The following TLN2 variants were observed in gnomAD, a reference collection of about 807,000 sequenced individuals.
The protein encoded by TLN2 is talin 2.
A neutral mutation model predicts 294.7 loss-of-function variants in TLN2; 118 were observed. The observed-to-expected ratio is 0.40, with a 90% CI of 0.34 to 0.47. TLN2 has a LOEUF of 0.47. TLN2 is among the 20% of genes least tolerant of loss of function. TLN2 has a pLI of 0.84. For synonymous variants in TLN2, 1,431 were observed against 1,304.5 expected (o/e 1.10, Z -2.09); for missense variants, 3,083 against 3,282.2 (o/e 0.94, Z 1.48).
At chr15:62,518,570 C>T (rs185069522) in intron 1 of TLN2, among the ~76,000 whole-genome samples, 14 of 152,028 alleles carry the variant, frequency 9.2e-5, no homozygotes, top group African/African-American at 2.9e-4. Context: ...ATATGGTGAA[C>T]GGTGGAGAGC....
intron 24 of TLN2, among the ~76,000 whole-genome samples, chr15:62,719,093 G>A (rs900167144): frequency 6.6e-6 from 1 of 152,202 alleles, no homozygotes; most frequent in Non-Finnish European, 1.5e-5. Flanking sequence ...TCATTAACCA[G>A]AGAAGGAGGT....
intron 1 of TLN2, among the ~76,000 whole-genome samples, chr15:62,559,289 C>G (rs537686869): frequency 3.3e-5 from 5 of 152,258 alleles, no homozygotes; most frequent in African/African-American, 1.2e-4. Flanking sequence ...AAACCTCTCC[C>G]AGTTCTGCGT....
At chr15:62,792,992 G>A (rs1307457779) in intron 46 of TLN2, among the ~76,000 whole-genome samples, 1 of 152,192 alleles carries the variant, frequency 6.6e-6, no homozygotes, top group Admixed American at 6.5e-5. Context: ...GAGAATTTGA[G>A]GGCTTAGAGG....
At chr15:62,709,882 C>T (rs559093990) in intron 21 of TLN2, among the ~76,000 whole-genome samples, 1 of 152,132 alleles carries the variant, frequency 6.6e-6, no homozygotes, top group South Asian at 2.1e-4. Flanking sequence ...TTACAGGCGC[C>T]TGCCATGATG....
intron 53 of TLN2, 54 bp from the exon 54 acceptor site, chr15:62,820,432 A>T: frequency 6.3e-7 from 1 of 1,588,208 alleles, no homozygotes; most frequent in Non-Finnish European, 8.6e-7. Flanking sequence ...TAATTAAGCC[A>T]GTGCCCTGAG....
chr15:62,595,412 C>CA (rs35989710), intron 2 of TLN2, among the ~76,000 whole-genome samples: 2,564 of 81,844 alleles, frequency 0.031, 131 homozygotes, highest in African/African-American at 0.08. Context: ...GACTCCGTCT[C>CA]AAAAAAAAAA....
chr15:62,484,838 G>A (rs185196311), intron 1 of TLN2, among the ~76,000 whole-genome samples: 1 of 152,294 alleles, frequency 6.6e-6, no homozygotes, highest in Non-Finnish European at 1.5e-5. Context: ...TTCTGGTGAT[G>A]GAGTAGGGTC....
intron 1 of TLN2, among the ~76,000 whole-genome samples, chr15:62,507,166 G>A (rs2039665491): frequency 6.6e-6 from 1 of 152,156 alleles, no homozygotes; most frequent in Non-Finnish European, 1.5e-5. Context: ...TAAGATAAAT[G>A]TGCTCAGATA....
At chr15:62,493,495 G>A (rs1193235237) in intron 1 of TLN2, among the ~76,000 whole-genome samples, 1 of 152,096 alleles carries the variant, frequency 6.6e-6, no homozygotes, top group Non-Finnish European at 1.5e-5. Context: ...ATGGGTTTGA[G>A]CAGGTTATTG....
chr15:62,799,598 C>G (rs941051227), intron 48 of TLN2, among the ~76,000 whole-genome samples: 2 of 152,238 alleles, frequency 1.3e-5, no homozygotes, highest in Non-Finnish European at 2.9e-5. Flanking sequence ...ATCCCTGTTA[C>G]AAGCGTGAAA....
intron 2 of TLN2, among the ~76,000 whole-genome samples, chr15:62,603,477 G>T (rs907984151): frequency 6.6e-6 from 1 of 152,054 alleles, no homozygotes; most frequent in African/African-American, 2.4e-5. Flanking sequence ...TTGTGTATCT[G>T]CCTCTTCCTC....
chr15:62,564,917 A>G (rs1216277600), intron 1 of TLN2, among the ~76,000 whole-genome samples: 1 of 124,658 alleles, frequency 8.0e-6, no homozygotes, highest in Non-Finnish European at 1.7e-5. Flanking sequence ...AAAAAAAAAA[A>G]AAAAAAAAAT....
At chr15:62,402,132 G>A (rs2033072187) in intron 1 of TLN2, among the ~76,000 whole-genome samples, 1 of 152,144 alleles carries the variant, frequency 6.6e-6, no homozygotes, top group African/African-American at 2.4e-5. Context: ...ACACACAGAA[G>A]TTTCACAAAA....
chr15:62,571,249 A>T lies in TLN2; in HGVS notation c.-237-18438A>T, dbSNP rs192280270. The stretch of plus-strand genomic sequence containing the variant: ...TTCCTCAGCCAGGCAGCAAAGCATG[A>T]CAGGAGTCTATTGCCCATCACTCCT... On this transcript the variant is annotated intron_variant, in intron 1 of 58. Coordinates refer to ENST00000636159, the MANE Select transcript of TLN2 (RefSeq NM_015059.3). 2.2e-3 allele frequency among the ~76,000 whole-genome samples: 340 copies of T among 152,292 alleles called. 3 individuals carry two copies. Among genetic ancestry groups the T allele is most frequent in the Non-Finnish European group, 4.0e-3 (273 of 68,024 alleles).
intron 1 of TLN2, among the ~76,000 whole-genome samples, chr15:62,442,517 A>AT (rs2035605079): frequency 6.8e-6 from 1 of 147,120 alleles, no homozygotes; most frequent in Non-Finnish European, 1.5e-5. Flanking sequence ...AAAAAAAAAA[A>AT]TTAGAGGATG....
rs1269988899 is a variant in TLN2 at position 62,593,449 on chromosome 15, T to C, written c.-162+3687T>C. Among the ~76,000 whole-genome samples, 6 of 152,170 alleles carry C rather than the reference T, an allele frequency of 3.9e-5. No homozygotes were observed. The South Asian group carries it at 8.3e-4, about 21-fold the overall frequency. On this transcript the variant is annotated intron_variant, in intron 2 of 58. Coordinates refer to ENST00000636159, the MANE Select transcript of TLN2 (RefSeq NM_015059.3). ...CATAATTAAACTTACTAAACCATGG[T>C]ATAATAGGGTATGCTGTTTCCATGC...
chr15:62,476,511 T>C, intron 1 of TLN2: 1 of 152,414 alleles, frequency 6.6e-6, no homozygotes, highest in Non-Finnish European at 1.5e-5. Context: ...GTGGCCAGCC[T>C]CTCTCACACC....
intron 1 of TLN2, among the ~76,000 whole-genome samples, chr15:62,569,670 G>T (rs2043700390): frequency 6.6e-6 from 1 of 152,194 alleles, no homozygotes; most frequent in African/African-American, 2.4e-5. Flanking sequence ...AGCTGTGGTT[G>T]GATTTTTGTG....
rs142760429 is a variant in TLN2 at position 62,762,347 on chromosome 15, G to A, written c.4855G>A (p.Ala1619Thr). 3.7e-5 allele frequency: 60 copies of A among 1,614,040 alleles called. No homozygotes were observed. In the African/African-American group the frequency reaches 7.5e-4, roughly 20 times the overall value. The change falls in exon 39 of 59, where the codon GCA becomes ACA. Residue 1619 changes from alanine (A) to threonine (T), a missense_variant. Ala to Thr is a moderately conservative substitution (Grantham distance 58, BLOSUM62 0). Transcript: ENST00000636159. ...GAGTTCATCGTACCTCATTCGCACTGCACGCTCTCTGGCCATCAACCCCAA... is the reference window on the plus strand; with the variant it reads ...GAGTTCATCGTACCTCATTCGCACTACACGCTCTCTGGCCATCAACCCCAA... ...LESSSYLIRT[A>T]RSLAINPKDP...
Sources: allele counts gnomAD v4.1 joint callset (sites outside exome capture counted in the v4.1 genomes callset), GRCh38; gene constraint gnomAD v4.1.1; transcripts MANE v1.5; gene names NCBI Gene and HGNC (gene_info 2026-07-23, HGNC 2026-07-21).